POR: variants seen among roughly 807,000 people sequenced by gnomAD.
POR encodes NADPH--cytochrome P450 reductase.
Under a neutral mutation model 84.0 loss-of-function variants are expected in POR, and 56 were observed. The observed-to-expected ratio is 0.67, with a 90% confidence interval of 0.54 to 0.83. The LOEUF (loss-of-function observed/expected upper bound fraction) is 0.83, where lower values mean the gene tolerates loss of function less well. Among genes scored for constraint, POR ranks in the 40% least tolerant of loss-of-function variants. The pLI, the probability that POR is intolerant of heterozygous loss-of-function variation, is 0.00. For missense variants in POR, 938 were observed against 944.3 expected, an observed-to-expected ratio of 0.99 and a Z score of 0.09; for synonymous variants, 414 against 400.5, an observed-to-expected ratio of 1.03 and a Z score of -0.40.
Position 75,986,548 on chromosome 7 carries a change from A to C in POR, c.*67A>C. On this transcript the variant is annotated 3_prime_UTR_variant, in exon 16 of 16. Coordinates refer to ENST00000461988, the MANE Select transcript of POR (RefSeq NM_000941.3). ...ATCAGCTCTCCTGGCTCCCTCCCGT[A>C]GTCTCCTGGGTGTGTTTGGCTTGGC... The C allele has an allele frequency of 6.4e-7, 1 of 1,551,144 alleles. No individual in the cohort carries two copies. Among genetic ancestry groups the C allele is most frequent in the South Asian group, 1.2e-5 (1 of 86,010 alleles).
intron 1 of POR, among the ~76,000 whole-genome samples, chr7:75,953,324 AGG>A (rs1563414161): frequency 4.6e-4 from 4 of 8,708 alleles, no homozygotes; most frequent in African/African-American, 1.1e-3. Flanking sequence ...AGGGAGGGGG[AGG>A]GGGAGGGGGA....
At chr7:75,980,609 C>T (rs782596626) in intron 5 of POR, 121 bp downstream of exon 5, 50 of 1,598,452 alleles carry the variant, frequency 3.1e-5, no homozygotes, top group Middle Eastern at 1.6e-4. Flanking sequence ...GCAGCCAGGG[C>T]AGGCCACTTG....
chr7:75,923,169 A>G, intron 1 of POR: 3 of 1,113,088 alleles, frequency 2.7e-6, no homozygotes, highest in Non-Finnish European at 4.0e-6. Flanking sequence ...TCATTTTGAA[A>G]CGTAGACAAG....
At position 75,979,487 on chromosome 7, in the gene POR, G is replaced by C; in HGVS notation, c.274G>C (p.Gly92Arg). The stretch of plus-strand genomic sequence containing the variant: ...CATCGTGTTCTACGGCTCCCAGACG[G>C]GGACTGCAGAGGAGTTTGCCAACCG... Residue 92 changes from glycine to arginine, a missense_variant, in exon 4 of 16, where the codon GGG becomes CGG. By Grantham distance (125) the Gly-to-Arg change is moderately radical. Transcript: ENST00000461988. 6.2e-7 allele frequency: 1 copy of C among 1,613,500 alleles called. No homozygotes were observed. The highest frequency in any genetic ancestry group is 8.5e-7 in the Non-Finnish European group (1 of 1,179,842).
At chr7:75,972,139 C>G (rs528857201) in intron 2 of POR, among the ~76,000 whole-genome samples, 1 of 152,226 alleles carries the variant, frequency 6.6e-6, no homozygotes, top group East Asian at 1.9e-4. Context: ...CAGGAGAGGT[C>G]TTGGCTTTGC....
intron 2 of POR, among the ~76,000 whole-genome samples, chr7:75,963,164 C>G (rs1322881037): frequency 2.6e-5 from 4 of 152,156 alleles, no homozygotes; most frequent in African/African-American, 9.7e-5. Context: ...CTTGCCACAT[C>G]CAGTTCAGGG....
At chr7:75,969,425 C>T (rs1347665043) in intron 2 of POR, among the ~76,000 whole-genome samples, 2 of 152,166 alleles carry the variant, frequency 1.3e-5, no homozygotes, top group Non-Finnish European at 2.9e-5. Context: ...GGCTGTCTTC[C>T]CCTGGCTGGA....
chr7:75,984,428 G>C (rs1392304340), intron 10 of POR, among the ~76,000 whole-genome samples: 1 of 152,166 alleles, frequency 6.6e-6, no homozygotes, highest in Non-Finnish European at 1.5e-5. Flanking sequence ...CCATGCCAGG[G>C]CTGCCCTTAC....
intron 2 of POR, among the ~76,000 whole-genome samples, chr7:75,955,302 A>G (rs529602410): frequency 6.6e-5 from 10 of 152,372 alleles, no homozygotes; most frequent in Middle Eastern, 3.4e-3. Context: ...AGTTAAAAGA[A>G]AAACGTTAAG....
At chr7:75,960,245 C>T (rs1292592964) in intron 2 of POR, among the ~76,000 whole-genome samples, 1 of 151,906 alleles carries the variant, frequency 6.6e-6, no homozygotes, top group Non-Finnish European at 1.5e-5. Context: ...GCGCCGAGCT[C>T]ACACCGCTGC....
chr7:75,985,194 C>G lies in POR; in HGVS notation c.1385C>G (p.Ala462Gly), dbSNP rs782707074. 1 of 1,594,468 alleles carries G rather than the reference C, an allele frequency of 6.3e-7. No homozygotes were observed. Among genetic ancestry groups the G allele is most frequent in the South Asian group, 1.1e-5 (1 of 90,672 alleles). ...CTGCAGGCCCGCTACTACTCCATCG[C>G]CTCATCCTCCAAGGTGAGGGCCGGC... Residue 462 changes from alanine to glycine, a missense_variant, in exon 12 of 16, where the codon GCC becomes GGC. Coordinates refer to ENST00000461988, the MANE Select transcript of POR (RefSeq NM_000941.3).
At chr7:75,941,042 A>G (rs139107331) in intron 1 of POR, among the ~76,000 whole-genome samples, 164 of 152,222 alleles carry the variant, frequency 1.1e-3, no homozygotes, top group Admixed American at 2.1e-3. Context: ...GGTGGTGCAT[A>G]CCTATAGTCT....
Position 75,919,361 on chromosome 7 carries a change from G to A in POR, c.-5+4182G>A, listed in dbSNP as rs183515683. 6.6e-5 allele frequency among the ~76,000 whole-genome samples: 10 copies of A among 151,208 alleles called. No individual in the cohort carries two copies. In the East Asian group the frequency reaches 1.6e-3, roughly 23 times the overall value. On this transcript the variant is annotated intron_variant, in intron 1 of 15. Coordinates refer to ENST00000461988, the MANE Select transcript of POR (RefSeq NM_000941.3). ...TTCTTGTTGGGATTAGTGTGCACACGCCTGTCTGCATCTGTGCGTGCGTGT... is the reference window on the plus strand; with the variant it reads ...TTCTTGTTGGGATTAGTGTGCACACACCTGTCTGCATCTGTGCGTGCGTGT...
In POR at chr7:75,986,148, C is replaced by T. The variant is rs1044562876; in HGVS notation, c.1816-11C>T. 3 of 1,606,608 alleles carry T rather than the reference C, an allele frequency of 1.9e-6. No individual in the cohort carries two copies. The highest frequency in any genetic ancestry group is 2.5e-6 in the Non-Finnish European group (3 of 1,176,940). ...ACAGTGCCCCCCTCACAGCACCACC[C>T]TTGGCCCCAGGTCTACGTCCAGCAC... On this transcript the variant is annotated splice_polypyrimidine_tract_variant and intron_variant, in intron 14 of 15. Transcript: ENST00000461988.
chr7:75,936,128 G>A (rs1807673433), intron 1 of POR, among the ~76,000 whole-genome samples: 1 of 116,850 alleles, frequency 8.6e-6, no homozygotes. Context: ...GTCTCGCTCT[G>A]TCACCCAGGC....
chr7:75,980,957 A>G, intron 5 of POR, 91 bp from the exon 6 acceptor site: 1 of 1,420,764 alleles, frequency 7.0e-7, no homozygotes. Flanking sequence ...CAGCTCAGCC[A>G]GTGCTGTGGG....
chr7:75,946,670 G>A (rs978988835), intron 1 of POR: 1 of 152,504 alleles, frequency 6.6e-6, no homozygotes, highest in African/African-American at 2.4e-5. Context: ...CTGGTGTGGC[G>A]GGGCTGTGGC....
rs782398729 is a variant in POR, at chr7:75,986,043, CCTT to C, written c.1793_1795del (p.Phe598del). 2.6e-6 allele frequency: 4 copies of C among 1,560,280 alleles called. No individual in the cohort carries two copies. Reference sequence around the variant, plus strand: ...GGTGCGCTCACCCAGCTCAACGTGGCCTTCTCCCGGGAGCAGTCCCACAAGGTG... The same window carrying C: ...GGTGCGCTCACCCAGCTCAACGTGGCCTCCCGGGAGCAGTCCCACAAGGTG... On this transcript the variant is annotated inframe_deletion, in exon 14 of 16. Coordinates refer to ENST00000461988, the MANE Select transcript of POR (RefSeq NM_000941.3).
intron 1 of POR, among the ~76,000 whole-genome samples, chr7:75,926,561 C>T (rs569961081): frequency 2.4e-4 from 37 of 151,888 alleles, no homozygotes; most frequent in Admixed American, 2.0e-3. Context: ...TTTGGGAGGC[C>T]GAGGCGGGCA....
Sources: allele counts gnomAD v4.1 joint callset (sites outside exome capture counted in the v4.1 genomes callset), GRCh38; gene constraint gnomAD v4.1.1; transcripts MANE v1.5; gene names NCBI Gene and HGNC (gene_info 2026-07-23, HGNC 2026-07-21).